The following GRM5 variants were observed in gnomAD, a reference collection of about 807,000 sequenced individuals.
GRM5 encodes metabotropic glutamate receptor 5.
Under a neutral mutation model 83.1 loss-of-function variants are expected in GRM5, and 19 were observed. That is an observed-to-expected ratio of 0.23 (90% CI 0.16 to 0.34). The LOEUF (loss-of-function observed/expected upper bound fraction) is 0.34, where lower values mean the gene tolerates loss of function less well. Among genes scored for constraint, GRM5 ranks in the 10% least tolerant of loss-of-function variants. GRM5 has a pLI of 1.00. For missense variants in GRM5, 1,160 were observed against 1,588.3 expected (o/e 0.73, Z 4.58); for synonymous variants, 675 against 633.6 (o/e 1.07, Z -0.98).
intron 3 of GRM5, among the ~76,000 whole-genome samples, chr11:88,778,995 C>CAG (rs1454330537): frequency 6.6e-6 from 1 of 152,126 alleles, no homozygotes; most frequent in African/African-American, 2.4e-5. Flanking sequence ...CCATGTAGAC[C>CAG]AGTGCTGCAA....
At chr11:89,017,385 A>G (rs1940884280) in intron 2 of GRM5, among the ~76,000 whole-genome samples, 1 of 152,212 alleles carries the variant, frequency 6.6e-6, no homozygotes, top group Non-Finnish European at 1.5e-5. Flanking sequence ...AAAACAAACA[A>G]GGCATAGCAT....
At chr11:88,687,561 T>TAA (rs1565187085) in intron 3 of GRM5, among the ~76,000 whole-genome samples, 2 of 3,250 alleles carry the variant, frequency 6.2e-4, no homozygotes, top group Non-Finnish European at 1.1e-3. Flanking sequence ...CACATATATA[T>TAA]TATATATATA....
chr11:88,873,083 A>T (rs999492720), intron 2 of GRM5, among the ~76,000 whole-genome samples: 1 of 151,710 alleles, frequency 6.6e-6, no homozygotes, highest in East Asian at 1.9e-4. Flanking sequence ...ATTAGGCAAA[A>T]TAGAGCTTAA....
intron 8 of GRM5, among the ~76,000 whole-genome samples, chr11:88,546,882 A>C (rs1423150227): frequency 6.6e-6 from 1 of 152,132 alleles, no homozygotes; most frequent in Non-Finnish European, 1.5e-5. Flanking sequence ...AAGAAGAGCA[A>C]GCTGAAGATA....
intron 4 of GRM5, among the ~76,000 whole-genome samples, chr11:88,623,323 A>G (rs954194670): frequency 1.3e-5 from 2 of 151,932 alleles, no homozygotes; most frequent in Non-Finnish European, 2.9e-5. Context: ...TATATTTAGT[A>G]GAGACTATGT....
chr11:88,844,100 T>C (rs752134319), intron 3 of GRM5, among the ~76,000 whole-genome samples: 18 of 152,180 alleles, frequency 1.2e-4, no homozygotes, highest in Non-Finnish European at 2.6e-4. Flanking sequence ...TCTAACACTT[T>C]CTCAGCTAGA....
At position 89,038,149 on chromosome 11, in the gene GRM5, CA is replaced by C. The variant is rs1261557402; in HGVS notation, c.661+9062del. On this transcript the variant is annotated intron_variant, in intron 2 of 9. Coordinates refer to ENST00000305447, the MANE Select transcript of GRM5 (RefSeq NM_001143831.3). ...TAGATAATCTCTTTCTTTAGAATCT[CA>C]TTGTGTGTGTGTGTGTGTGTGTGTG... 3.4e-3 allele frequency among the ~76,000 whole-genome samples: 409 copies of C among 121,610 alleles called. 5 individuals carry two copies. The highest frequency in any genetic ancestry group is 4.7e-3 in the South Asian group (19 of 4,014). 79.8% of individuals were successfully genotyped at this position (121,610 alleles called of 152,430 possible).
chr11:88,882,333 C>T (rs1168463509), intron 2 of GRM5, among the ~76,000 whole-genome samples: 4 of 150,502 alleles, frequency 2.7e-5, no homozygotes, highest in Non-Finnish European at 4.4e-5. Context: ...GGGTAGATCA[C>T]GAGGTCAGGA....
chr11:88,647,105 A>T (rs1939480353), intron 4 of GRM5, among the ~76,000 whole-genome samples: 3 of 151,986 alleles, frequency 2.0e-5, no homozygotes, highest in Non-Finnish European at 4.4e-5. Flanking sequence ...TGCCTGTGTC[A>T]TCCCATGGTG....
intron 4 of GRM5, among the ~76,000 whole-genome samples, chr11:88,606,263 C>T (rs1267360554): frequency 1.3e-5 from 2 of 152,224 alleles, no homozygotes; most frequent in Non-Finnish European, 2.9e-5. Flanking sequence ...TGGCTCACGC[C>T]TGTAATCCCA....
intron 2 of GRM5, among the ~76,000 whole-genome samples, chr11:89,030,439 T>C (rs1005177495): frequency 6.6e-6 from 1 of 152,108 alleles, no homozygotes; most frequent in African/African-American, 2.4e-5. Flanking sequence ...CATAAGGCCA[T>C]GTGAGGTTGA....
chr11:89,062,407 C>T (rs1942014138), intron 1 of GRM5, among the ~76,000 whole-genome samples: 1 of 152,228 alleles, frequency 6.6e-6, no homozygotes, highest in East Asian at 1.9e-4. Flanking sequence ...CCTTTGGCTG[C>T]TTCAAATGGC....
Position 88,766,812 on chromosome 11 carries a change from G to A in GRM5, c.911+83094C>T, listed in dbSNP as rs529575840. Among the ~76,000 whole-genome samples, 4 of 151,922 alleles carry A rather than the reference G, an allele frequency of 2.6e-5. No individual in the cohort carries two copies. In the South Asian group the frequency reaches 6.2e-4, roughly 24 times the overall value. ...TTTGCAAACTATGTATCTGACAAAG[G>A]TCTAATATCCGGTATCTACAAGGAA... On this transcript the variant is annotated intron_variant, in intron 3 of 9. Transcript: ENST00000305447.
chr11:88,928,921 C>T (rs1484385524), intron 2 of GRM5, among the ~76,000 whole-genome samples: 17 of 149,746 alleles, frequency 1.1e-4, no homozygotes, highest in Non-Finnish European at 1.9e-4. Context: ...CACACACACA[C>T]ACACACACAC....
intron 3 of GRM5, among the ~76,000 whole-genome samples, chr11:88,825,024 A>C (rs935666579): frequency 8.5e-5 from 13 of 152,348 alleles, no homozygotes; most frequent in African/African-American, 3.1e-4. Flanking sequence ...TTATGAGCTC[A>C]TGTGAAAACT....
chr11:88,859,021 G>C (rs775523126), intron 2 of GRM5, among the ~76,000 whole-genome samples: 9 of 151,884 alleles, frequency 5.9e-5, no homozygotes, highest in Non-Finnish European at 1.0e-4. Context: ...TGAAGAAGAA[G>C]AGAAACCAAG....
chr11:88,657,458 G>A (rs1429758129), intron 3 of GRM5, among the ~76,000 whole-genome samples: 1 of 152,070 alleles, frequency 6.6e-6, no homozygotes, highest in African/African-American at 2.4e-5. Flanking sequence ...CATATGTACT[G>A]GATTCTCAAA....
chr11:88,644,036 TTGAA>T (rs1213127638), intron 4 of GRM5, among the ~76,000 whole-genome samples: 1 of 152,250 alleles, frequency 6.6e-6, no homozygotes, highest in African/African-American at 2.4e-5. Context: ...TATAAACTCT[TTGAA>T]TGTGAAAAAC....
chr11:88,926,426 G>T (rs754802162), intron 2 of GRM5, among the ~76,000 whole-genome samples: 1 of 152,116 alleles, frequency 6.6e-6, no homozygotes, highest in East Asian at 1.9e-4. Context: ...TATCATCCAG[G>T]CATTAAGTTT....
Sources: gnomAD v4.1 joint callset for allele counts (sites outside exome capture counted in the v4.1 genomes callset) on GRCh38, gnomAD v4.1.1 for gene constraint, MANE v1.5 for transcripts, NCBI Gene and HGNC (gene_info 2026-07-23, HGNC 2026-07-21) for gene names.